ALS2CL: variants seen among roughly 807,000 people sequenced by gnomAD.
The protein encoded by ALS2CL is ALS2 C-terminal-like protein.
In ALS2CL, 112 loss-of-function variants were observed where a neutral mutation model predicts 127.9. The observed-to-expected ratio is 0.88, with a 90% CI of 0.75 to 1.02. The LOEUF is 1.02. Ranked by LOEUF, ALS2CL falls within the 50% of genes least tolerant of loss-of-function variation. The pLI is 0.00. For missense variants in ALS2CL, 1,174 were observed against 1,236.7 expected (o/e 0.95, Z 0.76); for synonymous variants, 519 against 527.6 (o/e 0.98, Z 0.22).
Position 46,683,846 on chromosome 3 carries a change from C to T in ALS2CL, c.848G>A (p.Cys283Tyr). 2 of 1,614,182 alleles carry T rather than the reference C, an allele frequency of 1.2e-6. No homozygotes were observed. The highest frequency in any genetic ancestry group is 1.7e-6 in the Non-Finnish European group (2 of 1,180,028). ...TTCGGGCGTGAGGAGGTGAAACGTG[C>T]ACCTAGACAGACGGAGGTGATGAGT... is the stretch of plus-strand genomic sequence containing the variant. ...LVWVDPGQDGCTFHLLTPEEE... is the reference protein window; with the variant it reads ...LVWVDPGQDGYTFHLLTPEEE... The change falls in exon 9 of 26, where the codon TGC becomes TAC. Residue 283 changes from cysteine (C) to tyrosine (Y), a missense_variant and splice_region_variant. Cys to Tyr is a radical substitution (Grantham distance 194). Coordinates refer to ENST00000318962, the MANE Select transcript of ALS2CL (RefSeq NM_147129.5).
chr3:46,686,335 G>A lies in ALS2CL; in HGVS notation c.639C>T (p.Leu213=). The A allele has an allele frequency of 1.2e-6, 2 of 1,613,236 alleles. No homozygotes were observed. Among genetic ancestry groups the A allele is most frequent in the East Asian group, 2.2e-5 (1 of 44,838 alleles). Reference sequence around the variant, plus strand: ...TCAGCCGGCCTCTCAGGGTGTGCCAGAGAGCCTGTGTGGCCACAGCCTGGT... The same window carrying A: ...TCAGCCGGCCTCTCAGGGTGTGCCAAAGAGCCTGTGTGGCCACAGCCTGGT... The part of the protein sequence containing the change: ...ELDQAVATQA[L]WHTLRGRLRD... The change falls in exon 6 of 26, where the codon CTC becomes CTT. Residue 213 remains leucine, a synonymous_variant. Transcript: ENST00000318962. This position sits in a 1 kb window ranked among gnomAD's most constrained non-coding sequence, Gnocchi z 4.3.
chr3:46,688,636 C>T (rs1699964983), intron 2 of ALS2CL, among the ~76,000 whole-genome samples: 1 of 152,192 alleles, frequency 6.6e-6, no homozygotes, highest in African/African-American at 2.4e-5. Context: ...CTACTCAGAT[C>T]CAGAATGTGA....
rs1444920680 is a variant in ALS2CL at position 46,671,488 on chromosome 3, C to T, written c.2781G>A (p.Glu927=). 1 of 1,613,942 alleles carries T rather than the reference C, an allele frequency of 6.2e-7. No homozygotes were observed. The highest frequency in any genetic ancestry group is 8.5e-7 in the Non-Finnish European group (1 of 1,180,016). Residue 927 remains glutamate, a splice_region_variant and synonymous_variant, in exon 25 of 26, where the codon GAG becomes GAA. Transcript: ENST00000318962. ...TCGGTCCACAGCCCCTGTCCCTTAC[C>T]TCCAGGGCTGTGAGCAGGAAGTCAT... ...GLYDFLLTAL[E]SCYEHIQKED...
chr3:46,671,796 A>G, intron 24 of ALS2CL, 88 bp downstream of exon 24: 2 of 1,572,650 alleles, frequency 1.3e-6, no homozygotes, highest in Non-Finnish European at 1.7e-6. Flanking sequence ...GCATCCATAA[A>G]CCCTGGGGTT....
rs761878946 is a variant in ALS2CL, at chr3:46,672,125, A to G, written c.2534+15T>C. The G allele has an allele frequency of 1.2e-6, 2 of 1,614,002 alleles. No homozygotes were observed. The highest frequency in any genetic ancestry group is 2.2e-5 in the East Asian group (1 of 44,870). On this transcript the variant is annotated intron_variant, in intron 23 of 25. Transcript: ENST00000318962. Reference sequence around the variant, plus strand: ...TCTGCCTCCGGACCCCCAACCCACTACGGCTCACACTCACATGATCTTCTG... The same window carrying G: ...TCTGCCTCCGGACCCCCAACCCACTGCGGCTCACACTCACATGATCTTCTG...
rs374784712 is a variant in ALS2CL, at chr3:46,676,687, C to A, written c.1983G>T (p.Leu661=). ...GGGCCTTGGGCTCCCGGTGCTGCAG[C>A]AGCTCCTCCAGGATGTCTTCCATAC... ...VGSMEDILEE[L]LQHREPKALQ... The change falls in exon 18 of 26, where the codon CTG becomes CTT. Residue 661 remains leucine (L), a synonymous_variant. Coordinates refer to ENST00000318962, the MANE Select transcript of ALS2CL (RefSeq NM_147129.5). 1 of 1,613,648 alleles carries A rather than the reference C, an allele frequency of 6.2e-7. No individual in the cohort carries two copies. The highest frequency in any genetic ancestry group is 8.5e-7 in the Non-Finnish European group (1 of 1,179,948).
At position 46,683,824 on chromosome 3, in the gene ALS2CL, G is replaced by T; in HGVS notation, c.870C>A (p.Pro290=). 6.2e-7 allele frequency: 1 copy of T among 1,614,130 alleles called. No individual in the cohort carries two copies. Among genetic ancestry groups the T allele is most frequent in the Non-Finnish European group, 8.5e-7 (1 of 1,180,016 alleles). The change falls in exon 9 of 26, where the codon CCC becomes CCA. Residue 290 remains proline (P), a synonymous_variant. Transcript: ENST00000318962. Reference sequence around the variant, plus strand: ...TGGCACAAAAGGAGAACTCTTCTTCGGGCGTGAGGAGGTGAAACGTGCACC... The same window carrying T: ...TGGCACAAAAGGAGAACTCTTCTTCTGGCGTGAGGAGGTGAAACGTGCACC... ...QDGCTFHLLT[P]EEEFSFCAKD...
chr3:46,678,534 T>G lies in ALS2CL; in HGVS notation c.1627-145A>C, dbSNP rs150938461. The G allele has an allele frequency of 2.8e-4, 320 of 1,137,232 alleles. 3 individuals carry two copies. In the African/African-American group the frequency reaches 4.5e-3, roughly 16 times the overall value. The allele number at this position is 1,137,232 out of a possible 1,614,324, so 70.4% of individuals were successfully genotyped here. A position where few individuals can be genotyped will look rare whatever the true frequency, so the allele number is the denominator to read the frequency against. On this transcript the variant is annotated intron_variant, in intron 15 of 25. Transcript: ENST00000318962. The stretch of plus-strand genomic sequence containing the variant: ...CCCGCCATCCATTCAAGCTGCTCCA[T>G]GCTGAGGGGTTCATAATCCTCTATG...
Position 46,686,902 on chromosome 3 carries a change from G to T in ALS2CL, c.534+81C>A. ...GTCCTTCTTGTACTAGGGTTCCTGA[G>T]TATAGGCTGAGCCCCCTGAGTCTGG... On this transcript the variant is annotated intron_variant, in intron 5 of 25. Transcript: ENST00000318962. This position sits in a 1 kb window ranked among gnomAD's most constrained non-coding sequence, Gnocchi z 4.3. 1 of 1,408,798 alleles carries T rather than the reference G, an allele frequency of 7.1e-7. No individual in the cohort carries two copies. The highest frequency in any genetic ancestry group is 9.3e-7 in the Non-Finnish European group (1 of 1,071,520). 87.3% of individuals were successfully genotyped at this position (1,408,798 alleles called of 1,614,324 possible). A position where few individuals can be genotyped will look rare whatever the true frequency, so the allele number is the denominator to read the frequency against.
intron 22 of ALS2CL, 76 bp from the exon 23 acceptor site, chr3:46,672,277 C>T (rs1698468017): frequency 1.9e-6 from 3 of 1,541,046 alleles, no homozygotes; most frequent in Middle Eastern, 4.1e-4. Flanking sequence ...CAGGGCCGGG[C>T]CTGAGTCCCC....
chr3:46,673,323 C>G lies in ALS2CL; in HGVS notation c.2472+16G>C, dbSNP rs1261865130. ...CTCTGGGGGCCCCTGGCTTGGGGCTCTGGCCTCCCTCTCACCTGATTGCTC... is the reference window on the plus strand; with the variant it reads ...CTCTGGGGGCCCCTGGCTTGGGGCTGTGGCCTCCCTCTCACCTGATTGCTC... On this transcript the variant is annotated intron_variant, in intron 22 of 25. Transcript: ENST00000318962. The G allele has an allele frequency of 5.8e-6, 9 of 1,558,832 alleles. No individual in the cohort carries two copies. Among genetic ancestry groups the G allele is most frequent in the Non-Finnish European group, 7.8e-6 (9 of 1,151,366 alleles).
intron 13 of ALS2CL, chr3:46,680,965 A>G (rs1699274928): frequency 3.4e-6 from 2 of 580,614 alleles, no homozygotes; most frequent in African/African-American, 1.9e-5. Context: ...CAGCCCAGAG[A>G]GCCAGCAAGG....
chr3:46,677,298 C>T, intron 16 of ALS2CL: 1 of 1,285,990 alleles, frequency 7.8e-7, no homozygotes, highest in Non-Finnish European at 9.9e-7. Flanking sequence ...GTGGGCAGAT[C>T]TGGAGGCCAA....
chr3:46,671,142 G>A, intron 25 of ALS2CL, 78 bp from the exon 26 acceptor site: 1 of 1,449,646 alleles, frequency 6.9e-7, no homozygotes, highest in Non-Finnish European at 9.7e-7. Flanking sequence ...GGGCTCAATA[G>A]CTGTGTGCAC....
rs1035594042 is a variant in ALS2CL, at chr3:46,689,236, G to A, written c.103+102C>T. ...ACCAGGTGTCACCACTCCTATTTGA[G>A]GTTGAGAAAGCTGTGGCTCAGCAAG... On this transcript the variant is annotated intron_variant, in intron 2 of 25. Transcript: ENST00000318962. The A allele has an allele frequency of 3.7e-5, 45 of 1,223,134 alleles. 1 individual carries two copies. In the South Asian group the frequency reaches 5.5e-4, roughly 15 times the overall value. 75.8% of individuals were successfully genotyped at this position (1,223,134 alleles called of 1,614,324 possible).
chr3:46,670,936 G>A lies in ALS2CL; in HGVS notation c.*48C>T, dbSNP rs565999255. 5 of 1,565,620 alleles carry A rather than the reference G, an allele frequency of 3.2e-6. No individual in the cohort carries two copies. Among genetic ancestry groups the A allele is most frequent in the South Asian group, 2.2e-5 (2 of 90,018 alleles). On this transcript the variant is annotated 3_prime_UTR_variant, in exon 26 of 26. Coordinates refer to ENST00000318962, the MANE Select transcript of ALS2CL (RefSeq NM_147129.5). This position sits in a 1 kb window ranked among gnomAD's most constrained non-coding sequence, Gnocchi z 5.5. ...CCTTGCCTTGGGTAATGAGGGACAGGCTGGCAGTGCCCTGCTCAGCTCTTC... is the reference window on the plus strand; with the variant it reads ...CCTTGCCTTGGGTAATGAGGGACAGACTGGCAGTGCCCTGCTCAGCTCTTC...
In ALS2CL at chr3:46,676,934, T is replaced by C. The variant is rs1698887465; in HGVS notation, c.1846A>G (p.Arg616Gly). The C allele has an allele frequency of 6.2e-7, 1 of 1,613,678 alleles. No homozygotes were observed. Among genetic ancestry groups the C allele is most frequent in the Non-Finnish European group, 8.5e-7 (1 of 1,179,958 alleles). ...FRDFVCAGCPRDLQEALLGFD... is the reference protein window; with the variant it reads ...FRDFVCAGCPGDLQEALLGFD... ...CCCAGCAGGGCCTCCTGCAGGTCCC[T>C]GGGGCAGCCAGCACACACAAAGTCC... Residue 616 changes from arginine (R) to glycine (G), a missense_variant, in exon 17 of 26, where the codon AGG becomes GGG. Transcript: ENST00000318962.
At chr3:46,671,803 G>T in intron 24 of ALS2CL, 81 bp downstream of exon 24, 1 of 1,582,586 alleles carries the variant, frequency 6.3e-7, no homozygotes, top group South Asian at 1.2e-5. Flanking sequence ...TAAACCCTGG[G>T]GTTCAGAGGT....
At chr3:46,684,684 G>A (rs1306525212) in intron 7 of ALS2CL, among the ~76,000 whole-genome samples, 1 of 152,222 alleles carries the variant, frequency 6.6e-6, no homozygotes, top group Non-Finnish European at 1.5e-5. Context: ...AGGGACAAGA[G>A]ATGGCCCACC....
Sources: allele counts gnomAD v4.1 joint callset (sites outside exome capture counted in the v4.1 genomes callset), GRCh38; gene constraint gnomAD v4.1.1; non-coding constraint Gnocchi (gnomAD v3.1); transcripts MANE v1.5; gene names NCBI Gene and HGNC (gene_info 2026-07-23, HGNC 2026-07-21).